The following CLYBL variants were observed in gnomAD, a reference collection of about 807,000 sequenced individuals.
CLYBL encodes citramalyl-CoA lyase, mitochondrial.
Under a neutral mutation model 38.9 loss-of-function variants are expected in CLYBL, and 31 were observed. The ratio of observed to expected loss-of-function variants is 0.80; its 90% CI spans 0.60 to 1.08. The LOEUF (loss-of-function observed/expected upper bound fraction) is 1.08, where lower values mean the gene tolerates loss of function less well. Among genes scored for constraint, CLYBL ranks in the 50% least tolerant of loss-of-function variants. The probability of loss-of-function intolerance (pLI) is 0.00; values close to 1 mark genes in which losing one functional copy is unlikely to be tolerated. For missense variants in CLYBL, 434 were observed against 411.6 expected (o/e 1.05, Z -0.47); for synonymous variants, 171 against 158.6 (o/e 1.08, Z -0.59).
intron 7 of CLYBL, among the ~76,000 whole-genome samples, chr13:99,886,076 A>T (rs1387860198): frequency 6.6e-6 from 1 of 152,186 alleles, no homozygotes; most frequent in Non-Finnish European, 1.5e-5. Context: ...GATACCCCAA[A>T]AAAGGACTCT....
intron 2 of CLYBL, among the ~76,000 whole-genome samples, chr13:99,810,368 G>A (rs2050316766): frequency 6.6e-6 from 1 of 152,240 alleles, no homozygotes; most frequent in African/African-American, 2.4e-5. Context: ...ATTTGAACTA[G>A]GAGCTGAAGG....
chr13:99,874,499 GAATTT>G (rs1300948828), intron 7 of CLYBL, among the ~76,000 whole-genome samples: 5 of 151,826 alleles, frequency 3.3e-5, no homozygotes, highest in Admixed American at 2.0e-4. Context: ...ATTCAGAACT[GAATTT>G]AATATGCTTA....
rs1384813428 is a variant in CLYBL at position 99,689,541 on chromosome 13, A to G, written c.62+82784A>G. Among the ~76,000 whole-genome samples the G allele has an allele frequency of 2.6e-5, 4 of 152,264 alleles. 1 individual carries two copies. Among genetic ancestry groups the G allele is most frequent in the Admixed American group, 1.3e-4 (2 of 15,286 alleles). On this transcript the variant is annotated intron_variant, in intron 1 of 8. Transcript: ENST00000339105. ...CCATGATTCTCAGCAATGAAGGAGCATGATTGAAATCCCATGTGCCCAGTC... is the reference window on the plus strand; with the variant it reads ...CCATGATTCTCAGCAATGAAGGAGCGTGATTGAAATCCCATGTGCCCAGTC...
intron 2 of CLYBL, among the ~76,000 whole-genome samples, chr13:99,819,079 C>T (rs1016829473): frequency 1.3e-5 from 2 of 152,050 alleles, no homozygotes; most frequent in South Asian, 2.1e-4. Context: ...GGCGTGGTGG[C>T]TCACACCTGT....
chr13:99,724,725 A>G (rs1275555804), intron 1 of CLYBL, among the ~76,000 whole-genome samples: 2 of 152,196 alleles, frequency 1.3e-5, no homozygotes, highest in Non-Finnish European at 2.9e-5. Context: ...CGCAAAGGCC[A>G]TTGCAGCAGC....
intron 2 of CLYBL, among the ~76,000 whole-genome samples, chr13:99,842,483 A>G (rs8000862): frequency 0.74 from 111,962 of 152,082 alleles, 42,225 homozygotes; most frequent in East Asian, 0.94. Context: ...TGCCCCCTCT[A>G]GGACTCTCTC....
At chr13:99,629,125 C>G (rs1297247493) in intron 1 of CLYBL, among the ~76,000 whole-genome samples, 1 of 152,152 alleles carries the variant, frequency 6.6e-6, no homozygotes, top group Non-Finnish European at 1.5e-5. Flanking sequence ...GTTTCCAGTT[C>G]CCATTTGGCT....
intron 1 of CLYBL, among the ~76,000 whole-genome samples, chr13:99,643,895 T>G (rs9585162): frequency 0.34 from 51,896 of 151,132 alleles, 10,384 homozygotes; most frequent in African/African-American, 0.56. Context: ...ATCCCAACTT[T>G]TCGGGAGGCT....
chr13:99,905,334 C>T (rs971519221), exon 9 of CLYBL, among the ~76,000 whole-genome samples: 2 of 152,168 alleles, frequency 1.3e-5, no homozygotes, highest in Admixed American at 1.3e-4. Context: ...TCATACATGG[C>T]GACCTGTGTC....
intron 1 of CLYBL, among the ~76,000 whole-genome samples, chr13:99,764,323 G>A (rs1486714496): frequency 6.6e-6 from 1 of 151,934 alleles, no homozygotes; most frequent in East Asian, 1.9e-4. Flanking sequence ...ATTGATATTT[G>A]TTATTTAAAT....
At chr13:99,683,862 T>C (rs2047776289) in intron 1 of CLYBL, among the ~76,000 whole-genome samples, 1 of 150,690 alleles carries the variant, frequency 6.6e-6, no homozygotes, top group Non-Finnish European at 1.5e-5. Context: ...TATTGCTATA[T>C]ATATATAAAA....
At chr13:99,825,895 C>T (rs2050685698) in intron 2 of CLYBL, among the ~76,000 whole-genome samples, 1 of 152,200 alleles carries the variant, frequency 6.6e-6, no homozygotes, top group Non-Finnish European at 1.5e-5. Context: ...TCCCAGTCCC[C>T]TCTCTGCCCA....
chr13:99,867,798 C>T (rs906904548), intron 6 of CLYBL, among the ~76,000 whole-genome samples: 3 of 152,172 alleles, frequency 2.0e-5, no homozygotes, highest in Non-Finnish European at 4.4e-5. Flanking sequence ...GAAATGGGAA[C>T]TAATTCGATA....
chr13:99,831,826 C>T (rs1171440311), intron 2 of CLYBL, among the ~76,000 whole-genome samples: 1 of 151,686 alleles, frequency 6.6e-6, no homozygotes, highest in African/African-American at 2.4e-5. Context: ...TGTTTCTGTA[C>T]CAGATCCACA....
At chr13:99,784,449 C>CTTTTTTTTTTT (rs772465561) in intron 2 of CLYBL, among the ~76,000 whole-genome samples, 2 of 52,126 alleles carry the variant, frequency 3.8e-5, no homozygotes, top group Non-Finnish European at 7.6e-5. Flanking sequence ...AAAATTCTCT[C>CTTTTTTTTTTT]TTTTTTTTTT....
intron 7 of CLYBL, among the ~76,000 whole-genome samples, chr13:99,871,357 A>G (rs77376708): frequency 6.6e-6 from 1 of 152,240 alleles, no homozygotes; most frequent in Non-Finnish European, 1.5e-5. Context: ...ACAGACTTCT[A>G]TGCAGCATTC....
At chr13:99,683,853 A>G (rs7324176) in intron 1 of CLYBL, among the ~76,000 whole-genome samples, 4,510 of 150,440 alleles carry the variant, frequency 0.03, 218 homozygotes, top group African/African-American at 0.1. Flanking sequence ...GCATGGTTGT[A>G]TTGCTATATA....
chr13:99,762,173 G>A (rs933595472), intron 1 of CLYBL, among the ~76,000 whole-genome samples: 1 of 151,998 alleles, frequency 6.6e-6, no homozygotes, highest in African/African-American at 2.4e-5. Flanking sequence ...TTAGCTTGAT[G>A]TAATCCCATT....
At chr13:99,709,747 T>A (rs1044641520) in intron 1 of CLYBL, among the ~76,000 whole-genome samples, 1 of 152,080 alleles carries the variant, frequency 6.6e-6, no homozygotes, top group African/African-American at 2.4e-5. Context: ...TCCCAAACTT[T>A]CGATGAGGAG....
Sources: allele counts gnomAD v4.1 joint callset (sites outside exome capture counted in the v4.1 genomes callset), GRCh38; gene constraint gnomAD v4.1.1; transcripts MANE v1.5; gene names NCBI Gene and HGNC (gene_info 2026-07-23, HGNC 2026-07-21).